DNMBP: variants seen among roughly 807,000 people sequenced by gnomAD.
DNMBP encodes dynamin-binding protein.
DNMBP carries 87 observed loss-of-function variants against 150.0 expected under a neutral mutation model. The ratio of observed to expected loss-of-function variants is 0.58; its 90% CI spans 0.49 to 0.69. DNMBP has a LOEUF of 0.69. DNMBP is among the 30% of genes least tolerant of loss of function. DNMBP has a pLI of 0.00. For missense variants in DNMBP, 1,774 were observed against 1,949.0 expected (o/e 0.91, Z 1.69); for synonymous variants, 711 against 750.4 (o/e 0.95, Z 0.86).
intron 4 of DNMBP, among the ~76,000 whole-genome samples, chr10:99,917,032 G>C (rs1033462436): frequency 6.6e-6 from 1 of 151,948 alleles, no homozygotes; most frequent in East Asian, 1.9e-4. Flanking sequence ...AAGGGCCCAG[G>C]TAAATAAACT....
At chr10:99,882,064 T>C (rs1426576241) in intron 15 of DNMBP, among the ~76,000 whole-genome samples, 1 of 152,194 alleles carries the variant, frequency 6.6e-6, no homozygotes, top group African/African-American at 2.4e-5. Context: ...GATCCTGTCA[T>C]TTGCGGCCAC....
chr10:99,947,268 G>A lies in DNMBP; in HGVS notation c.2260+7946C>T, dbSNP rs2040367959. Among the ~76,000 whole-genome samples the A allele has an allele frequency of 1.3e-5, 2 of 152,130 alleles. 1 individual carries two copies. The highest frequency in any genetic ancestry group is 4.1e-4 in the South Asian group (2 of 4,830). On this transcript the variant is annotated intron_variant, in intron 4 of 16. Coordinates refer to ENST00000324109, the MANE Select transcript of DNMBP (RefSeq NM_015221.4). ...ACCAAAAACACACCTGCACTCAGCTGACTCCAGCACTATTCACTACAGCAA... is the reference window on the plus strand; with the variant it reads ...ACCAAAAACACACCTGCACTCAGCTAACTCCAGCACTATTCACTACAGCAA...
At chr10:99,882,000 C>T (rs1006627136) in intron 15 of DNMBP, among the ~76,000 whole-genome samples, 1 of 152,118 alleles carries the variant, frequency 6.6e-6, no homozygotes, top group Non-Finnish European at 1.5e-5. Flanking sequence ...TTGTAAAACC[C>T]CCCAGCAGGG....
intron 6 of DNMBP, 128 bp from the exon 7 acceptor site, chr10:99,900,194 A>G (rs2039718637): frequency 2.3e-6 from 2 of 873,228 alleles, no homozygotes; most frequent in Admixed American, 5.1e-5. Context: ...TACTAAGACT[A>G]TCCATCAAAT....
intron 4 of DNMBP, among the ~76,000 whole-genome samples, chr10:99,949,011 A>AATAC (rs745521438): frequency 7.0e-6 from 1 of 143,382 alleles, no homozygotes; most frequent in Admixed American, 6.9e-5. Flanking sequence ...TAAATAAATA[A>AATAC]ATGCAGAGTT....
chr10:99,933,737 G>GT (rs1375764282), intron 4 of DNMBP, among the ~76,000 whole-genome samples: 2 of 152,026 alleles, frequency 1.3e-5, no homozygotes, highest in Non-Finnish European at 2.9e-5. Context: ...TGTTGTTTTT[G>GT]TTTTTTTGTT....
chr10:99,964,366 C>T (rs1332410174), intron 3 of DNMBP, among the ~76,000 whole-genome samples: 5 of 151,760 alleles, frequency 3.3e-5, no homozygotes, highest in Non-Finnish European at 1.5e-5. Context: ...TCGTGATCCA[C>T]CCGCCTCAGC....
intron 11 of DNMBP, chr10:99,889,509 C>A (rs1590213481): frequency 6.6e-6 from 1 of 152,416 alleles, no homozygotes; most frequent in South Asian, 2.1e-4. Flanking sequence ...TCTCCCTCAC[C>A]CACCCTCCTA....
chr10:99,971,911 A>G (rs2040681570), intron 2 of DNMBP, 69 bp downstream of exon 2: 2 of 1,397,390 alleles, frequency 1.4e-6, no homozygotes. Flanking sequence ...GCTGGAGTGC[A>G]GTGCCAGCCT....
At position 99,930,653 on chromosome 10, in the gene DNMBP, T is replaced by C. The variant is rs571472046; in HGVS notation, c.2261-21507A>G. ...TTTCTCTGTAGAGTCCATCCAGCAC[T>C]GTAAGGTTCCTTTTCCGTACACTCC... On this transcript the variant is annotated intron_variant, in intron 4 of 16. Transcript: ENST00000324109. The C allele has an allele frequency of 8.5e-6, 6 of 703,030 alleles. No individual in the cohort carries two copies. The South Asian group carries it at 8.9e-5, about 10-fold the overall frequency. The allele number at this position is 703,030 out of a possible 1,614,324, so 43.5% of individuals were successfully genotyped here. A position where few individuals can be genotyped will look rare whatever the true frequency, so the allele number is the denominator to read the frequency against.
chr10:99,998,189 C>T (rs187540597), intron 1 of DNMBP, among the ~76,000 whole-genome samples: 4,597 of 149,406 alleles, frequency 0.031, 100 homozygotes, highest in Non-Finnish European at 0.05. Context: ...GAGCAGTGAT[C>T]GCGCCACTGT....
At chr10:99,913,999 T>G (rs1211617626) in intron 4 of DNMBP, 2 of 1,504,262 alleles carry the variant, frequency 1.3e-6, no homozygotes, top group East Asian at 5.3e-5. Context: ...GGCCTGAGGG[T>G]AAGCAGGCGG....
intron 6 of DNMBP, 85 bp downstream of exon 6, chr10:99,907,910 G>T (rs982457596): frequency 6.4e-6 from 6 of 931,464 alleles, no homozygotes; most frequent in Non-Finnish European, 1.0e-5. Context: ...CGGAGGCATA[G>T]TTACTCAGTA....
At position 99,880,428 on chromosome 10, in the gene DNMBP, TGA is replaced by T. The variant is rs572580371; in HGVS notation, c.3998-69_3998-68del. 6.5e-5 allele frequency: 94 copies of T among 1,447,306 alleles called. 2 individuals are homozygous for T. In the African/African-American group the frequency reaches 1.3e-3, roughly 20 times the overall value. 89.7% of individuals were successfully genotyped at this position (1,447,306 alleles called of 1,614,324 possible). ...AAGGCTGGACAGACAGAGGGAGCAT[TGA>T]GAGAAAAAAAACTGATCTAGGTTAT... On this transcript the variant is annotated intron_variant, in intron 15 of 16. Coordinates refer to ENST00000324109, the MANE Select transcript of DNMBP (RefSeq NM_015221.4).
In DNMBP at chr10:99,887,950, G is replaced by A. The variant is rs551922033; in HGVS notation, c.3285+875C>T. Among the ~76,000 whole-genome samples, 9 of 151,854 alleles carry A rather than the reference G, an allele frequency of 5.9e-5. No individual in the cohort carries two copies. The East Asian group carries it at 1.4e-3, about 23-fold the overall frequency. On this transcript the variant is annotated intron_variant, in intron 12 of 16. Coordinates refer to ENST00000324109, the MANE Select transcript of DNMBP (RefSeq NM_015221.4). ...AGCAATTCTCCTGCCTCAGCCTCCCGAGTAGCTGGGATTACAGGTGTGCGC... is the reference window on the plus strand; with the variant it reads ...AGCAATTCTCCTGCCTCAGCCTCCCAAGTAGCTGGGATTACAGGTGTGCGC...
intron 2 of DNMBP, among the ~76,000 whole-genome samples, chr10:99,971,175 G>T (rs2040672943): frequency 6.6e-6 from 1 of 151,898 alleles, no homozygotes; most frequent in Non-Finnish European, 1.5e-5. Context: ...ACCTCTTGAA[G>T]GAATCAACAC....
At chr10:99,891,706 G>C (rs372637137) in intron 11 of DNMBP, among the ~76,000 whole-genome samples, 1 of 148,046 alleles carries the variant, frequency 6.8e-6, no homozygotes, top group African/African-American at 2.6e-5. Context: ...CTGCCCGGCC[G>C]CCATCCCACC....
chr10:99,960,504 CTTGATTTAAA>C (rs2040552448), intron 3 of DNMBP, among the ~76,000 whole-genome samples: 1 of 152,064 alleles, frequency 6.6e-6, no homozygotes, highest in Non-Finnish European at 1.5e-5. Flanking sequence ...TTTACATGCT[CTTGATTTAAA>C]AAAAAATTAG....
At position 99,880,357 on chromosome 10, in the gene DNMBP, G is replaced by GTACTACAAA. The variant is rs1353047809; in HGVS notation, c.4001_4002insTTTGTAGTA (p.Thr1334_Lys1335insLeuTer). On this transcript the variant is annotated stop_gained and inframe_insertion, in exon 16 of 17. Coordinates refer to ENST00000324109, the MANE Select transcript of DNMBP (RefSeq NM_015221.4). LOFTEE classifies it high-confidence loss of function. ...GGAAAGAGCTGTACACGAAGCCTTTGGTGACTACAAAGGAAACAGGAAATA... is the reference window on the plus strand; with the variant it reads ...GGAAAGAGCTGTACACGAAGCCTTTGTACTACAAAGTGACTACAAAGGAAACAGGAAATA... The GTACTACAAA allele has an allele frequency of 1.3e-6, 2 of 1,583,122 alleles. No individual in the cohort carries two copies. The highest frequency in any genetic ancestry group is 1.7e-6 in the Non-Finnish European group (2 of 1,165,594).
Sources: gnomAD v4.1 joint callset for allele counts (sites outside exome capture counted in the v4.1 genomes callset) on GRCh38, gnomAD v4.1.1 for gene constraint, MANE v1.5 for transcripts, NCBI Gene and HGNC (gene_info 2026-07-23, HGNC 2026-07-21) for gene names.